COL28A1: variants seen among roughly 807,000 people sequenced by gnomAD.
The protein encoded by COL28A1 is collagen alpha-1(XXVIII) chain.
Under a neutral mutation model 150.2 loss-of-function variants are expected in COL28A1, and 161 were observed. The observed-to-expected ratio is 1.07, with a 90% CI of 0.94 to 1.22. COL28A1 has a LOEUF of 1.22. COL28A1 is among the 50% of genes most tolerant of loss of function. COL28A1 has a pLI of 0.00. For missense variants in COL28A1, 1,617 were observed against 1,388.3 expected (o/e 1.16, Z -2.62); for synonymous variants, 552 against 469.7 (o/e 1.18, Z -2.26).
intron 14 of COL28A1, among the ~76,000 whole-genome samples, chr7:7,476,170 T>C (rs776496449): frequency 3.9e-5 from 6 of 152,308 alleles, no homozygotes; most frequent in South Asian, 2.1e-4. Flanking sequence ...GAAAGCAGCA[T>C]GTACTTCTCC....
intron 11 of COL28A1, among the ~76,000 whole-genome samples, chr7:7,499,341 G>A (rs779461859): frequency 1.3e-5 from 2 of 152,106 alleles, no homozygotes; most frequent in African/African-American, 4.8e-5. Flanking sequence ...GTTCAAAATT[G>A]TTGTCCTGCC....
chr7:7,517,190 G>A (rs1781462101), intron 7 of COL28A1, among the ~76,000 whole-genome samples: 1 of 152,094 alleles, frequency 6.6e-6, no homozygotes, highest in Non-Finnish European at 1.5e-5. Flanking sequence ...TAACATCTCT[G>A]GGTCTGAGTC....
chr7:7,530,251 A>C (rs891893778), intron 3 of COL28A1, among the ~76,000 whole-genome samples: 2 of 152,230 alleles, frequency 1.3e-5, no homozygotes, highest in Non-Finnish European at 2.9e-5. Flanking sequence ...AATAAAATAT[A>C]TAAAGTGTTC....
At chr7:7,372,713 C>A (rs1208678008) in intron 32 of COL28A1, among the ~76,000 whole-genome samples, 1 of 152,154 alleles carries the variant, frequency 6.6e-6, no homozygotes, top group African/African-American at 2.4e-5. Flanking sequence ...GCAATACTCC[C>A]AAGTCCTATT....
intron 27 of COL28A1, among the ~76,000 whole-genome samples, chr7:7,414,091 C>A (rs1042948664): frequency 2.6e-5 from 4 of 152,122 alleles, no homozygotes; most frequent in African/African-American, 9.7e-5. Context: ...TGGGGAGAAG[C>A]CATCCACATC....
intron 23 of COL28A1, among the ~76,000 whole-genome samples, chr7:7,434,500 G>T (rs535121082): frequency 2.0e-5 from 3 of 152,160 alleles, no homozygotes; most frequent in African/African-American, 7.2e-5. Flanking sequence ...GAATTAAAAG[G>T]AAAAGAAAAT....
upstream of COL28A1, chr7:7,535,998 C>T (rs1782620142): frequency 6.6e-6 from 1 of 152,136 alleles, no homozygotes; most frequent in South Asian, 2.1e-4. Flanking sequence ...GGAACAGTGT[C>T]CTTTCAGAAT....
intron 27 of COL28A1, among the ~76,000 whole-genome samples, chr7:7,414,003 C>T (rs1435867501): frequency 6.6e-6 from 1 of 152,168 alleles, no homozygotes; most frequent in African/African-American, 2.4e-5. Context: ...AATGTCAGGG[C>T]TGATCAGGAC....
At chr7:7,484,629 G>A (rs1562800343) in intron 13 of COL28A1, among the ~76,000 whole-genome samples, 2 of 151,504 alleles carry the variant, frequency 1.3e-5, no homozygotes, top group Admixed American at 6.6e-5. Flanking sequence ...AGAAATGATT[G>A]AAGTAAAAGT....
At chr7:7,450,221 T>C (rs1169457378) in intron 18 of COL28A1, among the ~76,000 whole-genome samples, 1 of 152,110 alleles carries the variant, frequency 6.6e-6, no homozygotes, top group Non-Finnish European at 1.5e-5. Context: ...TTATTTATAG[T>C]AATAAAAAAT....
downstream of COL28A1, chr7:7,356,922 A>T (rs1049225242): frequency 1.4e-4 from 21 of 152,192 alleles, no homozygotes; most frequent in African/African-American, 4.3e-4. Flanking sequence ...TTAAATAAAA[A>T]AATTATACAT....
upstream of COL28A1, among the ~76,000 whole-genome samples, chr7:7,536,250 T>A (rs1782633340): frequency 1.3e-5 from 2 of 152,192 alleles, no homozygotes; most frequent in South Asian, 4.1e-4. Flanking sequence ...TGATTGTTAT[T>A]AAAGCTGGAT....
intron 33 of COL28A1, among the ~76,000 whole-genome samples, chr7:7,367,762 TC>T (rs1271043015): frequency 6.6e-6 from 1 of 150,634 alleles, no homozygotes; most frequent in Non-Finnish European, 1.5e-5. Context: ...GCCTTGGATG[TC>T]CCTCAGGCAC....
rs1366190614 is a variant in COL28A1, at chr7:7,380,892, C to A, written c.2206-30G>T. Reference sequence around the variant, plus strand: ...ACACAATAGGGTAAAATGATAGGTTCAGAATGTGAATCTAAAAGCCAGATA... The same window carrying A: ...ACACAATAGGGTAAAATGATAGGTTAAGAATGTGAATCTAAAAGCCAGATA... On this transcript the variant is annotated intron_variant, in intron 28 of 34. Coordinates refer to ENST00000399429, the MANE Select transcript of COL28A1 (RefSeq NM_001037763.3). 8.9e-6 allele frequency: 14 copies of A among 1,573,118 alleles called. No individual in the cohort carries two copies. The East Asian group carries it at 3.1e-4, about 35-fold the overall frequency.
chr7:7,396,312 T>C (rs1345409120), intron 27 of COL28A1, among the ~76,000 whole-genome samples: 1 of 152,190 alleles, frequency 6.6e-6, no homozygotes, highest in East Asian at 1.9e-4. Flanking sequence ...TTAATTTTTG[T>C]GATAACCCTG....
At chr7:7,394,647 G>A (rs954441407) in intron 27 of COL28A1, among the ~76,000 whole-genome samples, 1 of 152,104 alleles carries the variant, frequency 6.6e-6, no homozygotes, top group African/African-American at 2.4e-5. Flanking sequence ...CTTGGACACA[G>A]CCAGTTTGTA....
In COL28A1 at chr7:7,432,705, G is replaced by A; in HGVS notation, c.1861-5C>T. 2 of 1,612,130 alleles carry A rather than the reference G, an allele frequency of 1.2e-6. No homozygotes were observed. The highest frequency in any genetic ancestry group is 1.7e-6 in the Non-Finnish European group (2 of 1,178,774). The stretch of plus-strand genomic sequence containing the variant: ...TCCCCGAGGGCCTTGGACACCCTGG[G>A]TAAATTCCAACATCAGTGATATCAT... On this transcript the variant is annotated splice_region_variant and splice_polypyrimidine_tract_variant and intron_variant, in intron 23 of 34. Transcript: ENST00000399429.
At chr7:7,367,727 C>G (rs975548483) in intron 33 of COL28A1, among the ~76,000 whole-genome samples, 2 of 151,012 alleles carry the variant, frequency 1.3e-5, no homozygotes, top group African/African-American at 4.9e-5. Flanking sequence ...TCTGTTCTTA[C>G]TTTTCCTCAT....
rs765833313 is a variant in COL28A1, at chr7:7,381,612, C to A, written c.2137G>T (p.Gly713Trp). The A allele has an allele frequency of 6.2e-7, 1 of 1,611,894 alleles. No homozygotes were observed. Among genetic ancestry groups the A allele is most frequent in the South Asian group, 1.1e-5 (1 of 91,024 alleles). ...GGGAAGCCTTGTGGTCCTTGTTCCCCCTACATAGGATATGAGAAAGAGATG... is the reference window on the plus strand; with the variant it reads ...GGGAAGCCTTGTGGTCCTTGTTCCCACTACATAGGATATGAGAAAGAGATG... ...PPGYGSQGIK[G>W]EQGPQGFPGP... is the part of the protein sequence containing the mutation. Residue 713 changes from glycine to tryptophan, a missense_variant and splice_region_variant, in exon 28 of 35, where the codon GGG becomes TGG. Gly to Trp is a radical substitution (Grantham distance 184, BLOSUM62 -2). Coordinates refer to ENST00000399429, the MANE Select transcript of COL28A1 (RefSeq NM_001037763.3).
Sources: gnomAD v4.1 joint callset for allele counts (sites outside exome capture counted in the v4.1 genomes callset) on GRCh38, gnomAD v4.1.1 for gene constraint, MANE v1.5 for transcripts, NCBI Gene and HGNC (gene_info 2026-07-23, HGNC 2026-07-21) for gene names.